The following CFAP36 variants were observed in gnomAD, a reference collection of about 807,000 sequenced individuals.
The protein encoded by CFAP36 is cilia- and flagella-associated protein 36.
In CFAP36, 37 loss-of-function variants were observed where a neutral mutation model predicts 50.5. That is an observed-to-expected ratio of 0.73 (90% CI 0.56 to 0.96). CFAP36 has a LOEUF of 0.96. CFAP36 is among the 50% of genes least tolerant of loss of function. The pLI is 0.00. For synonymous variants in CFAP36, 138 were observed against 128.2 expected (o/e 1.08, Z -0.52); for missense variants, 407 against 396.2 (o/e 1.03, Z -0.23).
At chr2:55,535,430 G>A (rs1684455153) in intron 5 of CFAP36, among the ~76,000 whole-genome samples, 1 of 152,238 alleles carries the variant, frequency 6.6e-6, no homozygotes, top group African/African-American at 2.4e-5. Flanking sequence ...TTGGGTTCAG[G>A]ATTTCAAATC....
intron 4 of CFAP36, among the ~76,000 whole-genome samples, chr2:55,529,742 GT>G (rs1684306830): frequency 6.6e-6 from 1 of 151,606 alleles, no homozygotes; most frequent in Non-Finnish European, 1.5e-5. Flanking sequence ...TGCCTTGCGG[GT>G]TTACACCATT....
At chr2:55,541,577 ATAAT>A (rs1259550992) in intron 7 of CFAP36, among the ~76,000 whole-genome samples, 1 of 152,174 alleles carries the variant, frequency 6.6e-6, no homozygotes, top group Non-Finnish European at 1.5e-5. Context: ...ACCTTGCTAT[ATAAT>A]TATTCATTTC....
chr2:55,536,927 T>TGG (rs1553455181), intron 6 of CFAP36, among the ~76,000 whole-genome samples: 1 of 151,716 alleles, frequency 6.6e-6, no homozygotes, highest in Non-Finnish European at 1.5e-5. Flanking sequence ...GTACTTTTAG[T>TGG]AGACAGGGTT....
At chr2:55,536,899 C>A (rs1191162117) in intron 6 of CFAP36, among the ~76,000 whole-genome samples, 1 of 138,120 alleles carries the variant, frequency 7.2e-6, no homozygotes, top group Non-Finnish European at 1.5e-5. Flanking sequence ...TGCCTGCCAC[C>A]ACTCTTGGCT....
intron 3 of CFAP36, among the ~76,000 whole-genome samples, chr2:55,524,921 T>C (rs1336735128): frequency 2.0e-5 from 3 of 150,922 alleles, no homozygotes; most frequent in African/African-American, 4.9e-5. Flanking sequence ...GCGGAGGTTG[T>C]GGTGAGCCAA....
intron 7 of CFAP36, among the ~76,000 whole-genome samples, chr2:55,540,231 A>G (rs1399808563): frequency 1.3e-5 from 2 of 152,074 alleles, no homozygotes; most frequent in Non-Finnish European, 2.9e-5. Context: ...ATTTCCTCCT[A>G]TGTTATCTTC....
At chr2:55,544,119 G>C in intron 8 of CFAP36, 45 bp downstream of exon 8, 1 of 1,609,902 alleles carries the variant, frequency 6.2e-7, no homozygotes, top group Non-Finnish European at 8.5e-7. Flanking sequence ...AAATGACAAG[G>C]TACTGGGAAA....
intron 7 of CFAP36, among the ~76,000 whole-genome samples, chr2:55,542,793 A>T (rs1025822528): frequency 6.6e-6 from 1 of 152,186 alleles, no homozygotes; most frequent in African/African-American, 2.4e-5. Flanking sequence ...ACCTCTGCTA[A>T]CGTCACTCTC....
chr2:55,544,531 T>G (rs955728801), intron 9 of CFAP36, among the ~76,000 whole-genome samples, 162 bp downstream of exon 9: 4 of 152,272 alleles, frequency 2.6e-5, no homozygotes, highest in African/African-American at 9.6e-5. Context: ...GAAGTGAAAT[T>G]GTTGTGATAA....
Position 55,533,919 on chromosome 2 carries a change from C to A in CFAP36, c.444C>A (p.Asp148Glu), listed in dbSNP as rs758471433. 1.2e-5 allele frequency: 20 copies of A among 1,611,190 alleles called. No individual in the cohort carries two copies. The highest frequency in any genetic ancestry group is 1.7e-5 in the Non-Finnish European group (20 of 1,178,348). The change falls in exon 5 of 10, where the codon GAC becomes GAA. Residue 148 changes from aspartate (D) to glutamate (E), a missense_variant. Physicochemically the swap from Asp to Glu is conservative, Grantham distance 45. Transcript: ENST00000349456. ...CLTDGSDVVS[D>E]LEHEEMKILR... ...CCGATGGCTCTGATGTGGTCAGTGA[C>A]CTTGAACACGAAGAGATGAAAATCC...
intron 3 of CFAP36, among the ~76,000 whole-genome samples, chr2:55,525,310 G>C (rs1376727335): frequency 1.3e-5 from 2 of 152,106 alleles, no homozygotes; most frequent in Admixed American, 1.3e-4. Context: ...AAGTTAGCTT[G>C]TTGTAGGTTG....
Position 55,523,959 on chromosome 2 carries a change from A to G in CFAP36, c.282+137A>G, listed in dbSNP as rs113960532. 193 of 534,996 alleles carry G rather than the reference A, an allele frequency of 3.6e-4. 2 individuals are homozygous for G. Among genetic ancestry groups the G allele is most frequent in the African/African-American group, 3.0e-3 (155 of 52,096 alleles). The allele number at this position is 534,996 out of a possible 1,614,324, so 33.1% of individuals were successfully genotyped here. On this transcript the variant is annotated intron_variant, in intron 3 of 9. Transcript: ENST00000349456. ...GAGAGGTAGAAAGATAATTCATCAC[A>G]TATGAGTTCTTTTTGAGAGCAACCC...
At chr2:55,535,833 A>C in intron 6 of CFAP36, 70 bp downstream of exon 6, 1 of 1,492,920 alleles carries the variant, frequency 6.7e-7, no homozygotes, top group Non-Finnish European at 8.9e-7. Context: ...CCTAGATCTT[A>C]CTATTAAAAT....
intron 7 of CFAP36, among the ~76,000 whole-genome samples, chr2:55,537,962 T>C (rs941070291): frequency 2.0e-5 from 3 of 152,234 alleles, no homozygotes; most frequent in Admixed American, 1.3e-4. Flanking sequence ...AAAGATAATA[T>C]TAAATTTCTT....
rs1279537721 is a variant in CFAP36, at chr2:55,520,314, G to A, written c.115+398G>A. On this transcript the variant is annotated intron_variant, in intron 1 of 9. Transcript: ENST00000349456. ...CTTTGCCAGACTTGAGAGGAGAAGC[G>A]TCGGTTTACCTGAGTTCCTTATGAT... The A allele has an allele frequency of 7.9e-6, 9 of 1,146,054 alleles. No individual in the cohort carries two copies. The South Asian group carries it at 1.4e-4, about 17-fold the overall frequency. The allele number at this position is 1,146,054 out of a possible 1,614,324, so 71.0% of individuals were successfully genotyped here. A position where few individuals can be genotyped will look rare whatever the true frequency, so the allele number is the denominator to read the frequency against.
intron 3 of CFAP36, among the ~76,000 whole-genome samples, chr2:55,527,937 A>G (rs1684252550): frequency 2.0e-5 from 3 of 152,048 alleles, no homozygotes; most frequent in African/African-American, 7.2e-5. Flanking sequence ...TGGGAGGCCA[A>G]GGTGGGCAGA....
intron 2 of CFAP36, among the ~76,000 whole-genome samples, chr2:55,522,831 C>G (rs1684107524): frequency 1.3e-5 from 2 of 152,140 alleles, no homozygotes; most frequent in Non-Finnish European, 2.9e-5. Context: ...CTCAGTGGCT[C>G]ACACCTATAA....
Position 55,523,701 on chromosome 2 carries a change from G to C in CFAP36, c.181-20G>C. On this transcript the variant is annotated intron_variant, in intron 2 of 9. Transcript: ENST00000349456. ...AGAATTTTTCTATGTAATTATAAAA[G>C]TTAAACTTTGTTTTTTTAGGTTGAA... The C allele has an allele frequency of 6.7e-7, 1 of 1,497,440 alleles. No homozygotes were observed. The highest frequency in any genetic ancestry group is 2.3e-5 in the East Asian group (1 of 43,802). The allele number at this position is 1,497,440 out of a possible 1,614,324, so 92.8% of individuals were successfully genotyped here.
intron 7 of CFAP36, among the ~76,000 whole-genome samples, chr2:55,540,937 C>T (rs1684621686): frequency 6.6e-6 from 1 of 152,020 alleles, no homozygotes. Context: ...TGCTTGAGCC[C>T]ACGAGGTGGA....
Sources: gnomAD v4.1 joint callset for allele counts (sites outside exome capture counted in the v4.1 genomes callset) on GRCh38, gnomAD v4.1.1 for gene constraint, MANE v1.5 for transcripts, NCBI Gene and HGNC (gene_info 2026-07-23, HGNC 2026-07-21) for gene names.